Variants in BLTP1 observed in about 807,000 individuals in gnomAD.
The protein encoded by BLTP1 is bridge-like lipid transfer protein family member 1.
the BLTP1 span, chr4:122,214,337 A>G: frequency 1.1e-6 from 1 of 928,368 alleles, no homozygotes; most frequent in African/African-American, 1.8e-5. Context: ...TTTATCATTC[A>G]TAAATTCAAG....
At chr4:122,325,173 T>C in the BLTP1 span, 2 of 1,500,186 alleles carry the variant, frequency 1.3e-6, no homozygotes, top group Non-Finnish European at 1.8e-6. Context: ...TTTTATAAAG[T>C]CCAGGAATTT....
chr4:122,294,336 C>T, the BLTP1 span, among the ~76,000 whole-genome samples: 1 of 152,216 alleles, frequency 6.6e-6, no homozygotes, highest in Non-Finnish European at 1.5e-5. Flanking sequence ...TCTCCAGACA[C>T]CTCCTGTAGG....
the BLTP1 span, chr4:122,226,548 G>A: frequency 6.9e-7 from 1 of 1,458,692 alleles, no homozygotes; most frequent in Non-Finnish European, 9.0e-7. Context: ...ATTAAAGGTA[G>A]AAAAAAATCA....
At chr4:122,313,701 C>T in the BLTP1 span, 1 of 1,425,618 alleles carries the variant, frequency 7.0e-7, no homozygotes, top group Non-Finnish European at 9.8e-7. Flanking sequence ...GGTTCACATG[C>T]AGCATTATTT....
At chr4:122,173,059 A>G in the BLTP1 span, 7 of 1,612,932 alleles carry the variant, frequency 4.3e-6, no homozygotes, top group Non-Finnish European at 5.9e-6. Context: ...CTGTGGATGG[A>G]TTATTTACCT....
the BLTP1 span, chr4:122,235,143 G>C: frequency 1.0e-6 from 1 of 985,086 alleles, no homozygotes; most frequent in Non-Finnish European, 1.5e-6. Flanking sequence ...GTTATGAGTA[G>C]GGTTTAGTAT....
chr4:122,350,209 A>AG, the BLTP1 span: 4 of 1,434,538 alleles, frequency 2.8e-6, no homozygotes, highest in Admixed American at 5.8e-5. Context: ...CTCAGTTAGC[A>AG]AAGGACCAGA....
chr4:122,260,574 TAC>T, the BLTP1 span, among the ~76,000 whole-genome samples: 1 of 152,200 alleles, frequency 6.6e-6, no homozygotes, highest in East Asian at 1.9e-4. Context: ...TTGAATAGTG[TAC>T]ATTGTTGGTG....
the BLTP1 span, chr4:122,246,991 GT>G: frequency 8.2e-6 from 7 of 858,086 alleles, no homozygotes; most frequent in Middle Eastern, 6.0e-4. Context: ...AATTTTTACT[GT>G]TTCTATTCAT....
At chr4:122,173,493 C>A in the BLTP1 span, among the ~76,000 whole-genome samples, 7 of 152,192 alleles carry the variant, frequency 4.6e-5, no homozygotes, top group Non-Finnish European at 8.8e-5. Flanking sequence ...AAATGTCTCA[C>A]ATCTCAAATA....
chr4:122,235,599 A>G, the BLTP1 span: 1 of 298,366 alleles, frequency 3.4e-6, no homozygotes, highest in Non-Finnish European at 4.9e-6. Context: ...AGGTCAGGAG[A>G]TCAAGACCAT....
chr4:122,332,080 A>G, the BLTP1 span, among the ~76,000 whole-genome samples: 1 of 151,950 alleles, frequency 6.6e-6, no homozygotes, highest in African/African-American at 2.4e-5. Context: ...TTCTAATCTA[A>G]AAATGAACTG....
the BLTP1 span, chr4:122,249,866 C>T: frequency 1.0e-6 from 1 of 983,216 alleles, no homozygotes; most frequent in African/African-American, 1.7e-5. Flanking sequence ...AGCTTTTCCT[C>T]CATTATGTGA....
At chr4:122,197,453 A>G in the BLTP1 span, 2 of 832,510 alleles carry the variant, frequency 2.4e-6, no homozygotes, top group African/African-American at 1.8e-5. Flanking sequence ...TTTAGAGAAA[A>G]GGGAAACCTT....
the BLTP1 span, chr4:122,197,827 C>T: frequency 3.5e-6 from 1 of 288,852 alleles, no homozygotes; most frequent in Non-Finnish European, 5.2e-6. Flanking sequence ...TGATCATGCA[C>T]TTGAAATATG....
chr4:122,204,174 C>G, the BLTP1 span, among the ~76,000 whole-genome samples: 12 of 151,846 alleles, frequency 7.9e-5, 1 homozygote, highest in South Asian at 2.3e-3. Context: ...ACAAATGAAA[C>G]AATACCAGAC....
the BLTP1 span, chr4:122,261,851 C>G: frequency 1.0e-6 from 1 of 985,268 alleles, no homozygotes; most frequent in African/African-American, 1.7e-5. Flanking sequence ...TGTCAACACC[C>G]TTCCTCCACC....
the BLTP1 span, among the ~76,000 whole-genome samples, chr4:122,302,519 G>T: frequency 2.6e-5 from 4 of 152,244 alleles, no homozygotes; most frequent in East Asian, 7.7e-4. Context: ...GTTTAGGGGC[G>T]CCAGGAGCTG....
At chr4:122,233,118 A>G in the BLTP1 span, among the ~76,000 whole-genome samples, 9 of 152,212 alleles carry the variant, frequency 5.9e-5, no homozygotes, top group Non-Finnish European at 8.8e-5. Context: ...CCAGACCTCA[A>G]TCAGAAACTC....
Sources: gnomAD v4.1 joint callset for allele counts (sites outside exome capture counted in the v4.1 genomes callset) on GRCh38, gnomAD v4.1.1 for gene constraint, MANE v1.5 for transcripts, NCBI Gene and HGNC (gene_info 2026-07-23, HGNC 2026-07-21) for gene names.